NAP1L4: variants seen among roughly 807,000 people sequenced by gnomAD.
NAP1L4 encodes the protein nucleosome assembly protein 1 like 4, also known as nucleosome assembly protein 1-like 4.
NAP1L4 carries 15 observed loss-of-function variants against 58.2 expected under a neutral mutation model. The observed-to-expected ratio is 0.26, with a 90% confidence interval of 0.17 to 0.40. The LOEUF is 0.40. Ranked by LOEUF, NAP1L4 falls within the 10% of genes least tolerant of loss-of-function variation. The pLI, the probability that NAP1L4 is intolerant of heterozygous loss-of-function variation, is 1.00. For missense variants in NAP1L4, 384 were observed against 451.1 expected (o/e 0.85, Z 1.35); for synonymous variants, 171 against 155.6 (o/e 1.10, Z -0.74).
In NAP1L4 at chr11:2,971,998, T is replaced by C. The variant is rs901628944; in HGVS notation, c.315+104A>G. On this transcript the variant is annotated intron_variant, in intron 5 of 15. Coordinates refer to ENST00000380542, the MANE Select transcript of NAP1L4 (RefSeq NM_005969.4). The surrounding 1 kb of genome is among the most constrained non-coding windows in gnomAD (Gnocchi z 4.2). Reference sequence around the variant, plus strand: ...ACTAAGCTATGTTTGGCAGGTTAGATGCGTTCTTACCCTAGATGTTGTCAA... The same window carrying C: ...ACTAAGCTATGTTTGGCAGGTTAGACGCGTTCTTACCCTAGATGTTGTCAA... 1.6e-5 allele frequency: 19 copies of C among 1,215,542 alleles called. No individual in the cohort carries two copies. The highest frequency in any genetic ancestry group is 2.0e-5 in the Non-Finnish European group (18 of 900,478). 75.3% of individuals were successfully genotyped at this position (1,215,542 alleles called of 1,614,324 possible). A position where few individuals can be genotyped will look rare whatever the true frequency, so the allele number is the denominator to read the frequency against.
At chr11:2,979,849 T>A (rs1187603305) in intron 1 of NAP1L4, among the ~76,000 whole-genome samples, 1 of 152,214 alleles carries the variant, frequency 6.6e-6, no homozygotes, top group Non-Finnish European at 1.5e-5. Context: ...TTAATTCTAA[T>A]TTGCCTTATT....
chr11:2,979,526 A>T lies in NAP1L4; in HGVS notation c.-17-289T>A, dbSNP rs185580163. On this transcript the variant is annotated intron_variant, in intron 1 of 15. Transcript: ENST00000380542. ...GGTGGTTCACGCCTGTAATCCAAGC[A>T]CTTTGGGAGGCCGAGGTGGGTGGGT... Among the ~76,000 whole-genome samples the T allele has an allele frequency of 1.9e-3, 282 of 152,256 alleles. 3 individuals carry two copies. The highest frequency in any genetic ancestry group is 3.4e-3 in the Middle Eastern group (1 of 294).
chr11:2,984,199 C>T (rs1011395074), intron 1 of NAP1L4, among the ~76,000 whole-genome samples: 1 of 148,506 alleles, frequency 6.7e-6, no homozygotes, highest in Admixed American at 6.7e-5. Flanking sequence ...AGGCAACAAA[C>T]CCTACAATGG....
rs1846077268 is a variant in NAP1L4 at position 2,948,889 on chromosome 11, G to A, written c.*32+338C>T. Among the ~76,000 whole-genome samples, 1 of 152,202 alleles carries A rather than the reference G, an allele frequency of 6.6e-6. No individual in the cohort carries two copies. The highest frequency in any genetic ancestry group is 2.1e-4 in the South Asian group (1 of 4,828). On this transcript the variant is annotated intron_variant, in intron 15 of 15. Transcript: ENST00000380542. This position sits in a 1 kb window ranked among gnomAD's most constrained non-coding sequence, Gnocchi z 5.1. Reference sequence around the variant, plus strand: ...CCCAGTGTGTTATGCTCTCTGCAAGGACTGCTTGCTTATGGTGGCCCGTGT... The same window carrying A: ...CCCAGTGTGTTATGCTCTCTGCAAGAACTGCTTGCTTATGGTGGCCCGTGT...
At chr11:2,990,131 ATGTGC>A (rs1438582734) in intron 1 of NAP1L4, 1 of 151,986 alleles carries the variant, frequency 6.6e-6, no homozygotes, top group Non-Finnish European at 1.5e-5. Context: ...AAAGTGTTAT[ATGTGC>A]CTATATGACA....
chr11:2,945,619 T>G lies in NAP1L4; in HGVS notation c.*60A>C. The G allele has an allele frequency of 6.5e-7, 1 of 1,536,062 alleles. No individual in the cohort carries two copies. The highest frequency in any genetic ancestry group is 8.7e-7 in the Non-Finnish European group (1 of 1,146,882). On this transcript the variant is annotated 3_prime_UTR_variant, in exon 16 of 16. Coordinates refer to ENST00000380542, the MANE Select transcript of NAP1L4 (RefSeq NM_005969.4). Reference sequence around the variant, plus strand: ...CCCGCCTCCGCTTCCTACTGCTGCTTGCATTCCGCCGGCTGGCTGGGTTCC... The same window carrying G: ...CCCGCCTCCGCTTCCTACTGCTGCTGGCATTCCGCCGGCTGGCTGGGTTCC...
intron 1 of NAP1L4, among the ~76,000 whole-genome samples, chr11:2,985,229 G>A (rs1183249054): frequency 6.6e-6 from 1 of 152,180 alleles, no homozygotes; most frequent in Non-Finnish European, 1.5e-5. Context: ...GGGATCAGGA[G>A]TGCTCAACCT....
chr11:2,955,960 C>G lies in NAP1L4; in HGVS notation c.893-194G>C, dbSNP rs1846515767. Among the ~76,000 whole-genome samples, 1 of 152,206 alleles carries G rather than the reference C, an allele frequency of 6.6e-6. No individual in the cohort carries two copies. The highest frequency in any genetic ancestry group is 1.5e-5 in the Non-Finnish European group (1 of 68,046). Reference sequence around the variant, plus strand: ...TCCATCCACCACTTCTGAAGCTGGCCTGAGTGCCTCTATGCCCCCCTCCCT... The same window carrying G: ...TCCATCCACCACTTCTGAAGCTGGCGTGAGTGCCTCTATGCCCCCCTCCCT... On this transcript the variant is annotated intron_variant, in intron 10 of 15. Coordinates refer to ENST00000380542, the MANE Select transcript of NAP1L4 (RefSeq NM_005969.4). This position sits in a 1 kb window ranked among gnomAD's most constrained non-coding sequence, Gnocchi z 4.2.
chr11:2,982,154 C>T (rs1425980862), intron 1 of NAP1L4, among the ~76,000 whole-genome samples: 1 of 152,154 alleles, frequency 6.6e-6, no homozygotes, highest in Admixed American at 6.5e-5. Context: ...TATATGGCTT[C>T]CCACTCCCAG....
At chr11:2,980,672 C>T (rs1001629363) in intron 1 of NAP1L4, among the ~76,000 whole-genome samples, 5 of 152,124 alleles carry the variant, frequency 3.3e-5, no homozygotes, top group African/African-American at 1.2e-4. Context: ...GTTCATTCTT[C>T]AGTACCTGAG....
In NAP1L4 at chr11:2,978,294, T is replaced by G. The variant is rs7929940; in HGVS notation, c.63A>C (p.Ala21=). ...PSDSVEAAKN[A]SNTEKLTDQV... Reference sequence around the variant, plus strand: ...GTGCAGTGGACTGACCTGTGTTACTTGCATTTTTAGCAGCTTCCACGGAAT... The same window carrying G: ...GTGCAGTGGACTGACCTGTGTTACTGGCATTTTTAGCAGCTTCCACGGAAT... Residue 21 remains alanine, a synonymous_variant, in exon 3 of 16, where the codon GCA becomes GCC. Transcript: ENST00000380542. 1,137 of 1,614,056 alleles carry G rather than the reference T, an allele frequency of 7.0e-4. 9 individuals carry two copies. The African/African-American group carries it at 0.014, about 20-fold the overall frequency.
chr11:2,954,519 C>A lies in NAP1L4; in HGVS notation c.1035+8G>T, dbSNP rs1846413351. Reference sequence around the variant, plus strand: ...CAGGTGGAAGCCCCCCTTCCCCGAGCCTCATACATTGTCATCATCTTCTAT... The same window carrying A: ...CAGGTGGAAGCCCCCCTTCCCCGAGACTCATACATTGTCATCATCTTCTAT... On this transcript the variant is annotated splice_region_variant and intron_variant, in intron 12 of 15. Coordinates refer to ENST00000380542, the MANE Select transcript of NAP1L4 (RefSeq NM_005969.4). This position sits in a 1 kb window ranked among gnomAD's most constrained non-coding sequence, Gnocchi z 4.8. 2 of 1,613,938 alleles carry A rather than the reference C, an allele frequency of 1.2e-6. No homozygotes were observed. The highest frequency in any genetic ancestry group is 8.5e-7 in the Non-Finnish European group (1 of 1,179,856).
chr11:2,986,555 A>C (rs1442767378), intron 1 of NAP1L4, among the ~76,000 whole-genome samples: 1 of 152,072 alleles, frequency 6.6e-6, no homozygotes, highest in Non-Finnish European at 1.5e-5. Flanking sequence ...AATGTAATTA[A>C]TGTTTTCACA....
chr11:2,964,212 G>A (rs565839652), intron 8 of NAP1L4, among the ~76,000 whole-genome samples: 6 of 150,930 alleles, frequency 4.0e-5, no homozygotes, highest in African/African-American at 9.7e-5. Flanking sequence ...CTTTTTAAAC[G>A]TTAAACATAT....
At chr11:2,965,609 T>G (rs1034226664) in intron 7 of NAP1L4, among the ~76,000 whole-genome samples, 9 of 152,156 alleles carry the variant, frequency 5.9e-5, no homozygotes, top group Non-Finnish European at 1.2e-4. Context: ...AGTGCAATGG[T>G]GTGATCTTGG....
chr11:2,963,621 A>G, intron 8 of NAP1L4: 1 of 441,556 alleles, frequency 2.3e-6, no homozygotes, highest in Non-Finnish European at 4.5e-6. Flanking sequence ...CAGCACTTGC[A>G]GTGAAGAAAT....
Position 2,961,574 on chromosome 11 carries a change from G to C in NAP1L4, c.607-1665C>G, listed in dbSNP as rs542709946. 2.0e-5 allele frequency among the ~76,000 whole-genome samples: 3 copies of C among 151,460 alleles called. No individual in the cohort carries two copies. The South Asian group carries it at 6.3e-4, about 32-fold the overall frequency. ...CAATGGAGAGACTGCTATGATTCCA[G>C]AACTGTTTAAGGCTGTGACCACAGT... On this transcript the variant is annotated intron_variant, in intron 8 of 15. Coordinates refer to ENST00000380542, the MANE Select transcript of NAP1L4 (RefSeq NM_005969.4).
Position 2,971,358 on chromosome 11 carries a change from TAA to T in NAP1L4, c.402+88_402+89del. The stretch of plus-strand genomic sequence containing the variant: ...AGCAGCACCTACTGTTAGAAGCACA[TAA>T]GTTTACTAGTCATTAAAAATCATTA... On this transcript the variant is annotated intron_variant, in intron 6 of 15. Coordinates refer to ENST00000380542, the MANE Select transcript of NAP1L4 (RefSeq NM_005969.4). This position sits in a 1 kb window ranked among gnomAD's most constrained non-coding sequence, Gnocchi z 4.2. 8.8e-7 allele frequency: 1 copy of T among 1,139,478 alleles called. No homozygotes were observed. The highest frequency in any genetic ancestry group is 1.3e-6 in the Non-Finnish European group (1 of 786,098). 70.6% of individuals were successfully genotyped at this position (1,139,478 alleles called of 1,614,324 possible). A position where few individuals can be genotyped will look rare whatever the true frequency, so the allele number is the denominator to read the frequency against.
At position 2,951,727 on chromosome 11, in the gene NAP1L4, C is replaced by T. The variant is rs541230365; in HGVS notation, c.1065+53G>A. 125 of 1,591,434 alleles carry T rather than the reference C, an allele frequency of 7.9e-5. 1 individual carries two copies. The highest frequency in any genetic ancestry group is 5.0e-4 in the Middle Eastern group (3 of 6,016). ...GTCCATAACCTTCAAGCAGAGAAAG[C>T]CAAAGAAACAACTTCAGGGAGGTAA... On this transcript the variant is annotated intron_variant, in intron 13 of 15. Coordinates refer to ENST00000380542, the MANE Select transcript of NAP1L4 (RefSeq NM_005969.4). This position sits in a 1 kb window ranked among gnomAD's most constrained non-coding sequence, Gnocchi z 4.0.
Sources: allele counts gnomAD v4.1 joint callset (sites outside exome capture counted in the v4.1 genomes callset), GRCh38; gene constraint gnomAD v4.1.1; non-coding constraint Gnocchi (gnomAD v3.1); transcripts MANE v1.5; gene names NCBI Gene and HGNC (gene_info 2026-07-23, HGNC 2026-07-21).